PCSK5: variants seen among roughly 807,000 people sequenced by gnomAD.
The protein encoded by PCSK5 is proprotein convertase subtilisin/kexin type 5.
A neutral mutation model predicts 233.2 loss-of-function variants in PCSK5; 129 were observed. The ratio of observed to expected loss-of-function variants is 0.55; its 90% CI spans 0.48 to 0.64. The LOEUF (loss-of-function observed/expected upper bound fraction) is 0.64, where lower values mean the gene tolerates loss of function less well. Ranked by LOEUF, PCSK5 falls within the 30% of genes least tolerant of loss-of-function variation. The pLI, the probability that PCSK5 is intolerant of heterozygous loss-of-function variation, is 0.00. For synonymous variants in PCSK5, 825 were observed against 879.2 expected (o/e 0.94, Z 1.09); for missense variants, 2,076 against 2,430.1 (o/e 0.85, Z 3.06).
intron 33 of PCSK5, among the ~76,000 whole-genome samples, chr9:76,331,491 C>A (rs1391764643): frequency 2.0e-5 from 3 of 152,150 alleles, no homozygotes; most frequent in Non-Finnish European, 2.9e-5. Flanking sequence ...AACGGTGAAA[C>A]CCCGTCTCTA....
intron 7 of PCSK5, among the ~76,000 whole-genome samples, chr9:76,090,963 G>C (rs1166231696): frequency 2.6e-5 from 3 of 114,920 alleles, no homozygotes; most frequent in Non-Finnish European, 4.0e-5. Flanking sequence ...CGCATGCGTA[G>C]GTCATAAGAG....
At chr9:76,054,268 G>T (rs1012717000) in intron 5 of PCSK5, among the ~76,000 whole-genome samples, 1 of 152,164 alleles carries the variant, frequency 6.6e-6, no homozygotes, top group African/African-American at 2.4e-5. Flanking sequence ...CCTGCCTTGG[G>T]TTTTTACTGT....
chr9:76,024,888 A>G lies in PCSK5; in HGVS notation c.555+1007A>G, dbSNP rs554527491. ...TTTTAAAGGCAAACAAGCAAATCCA[A>G]CTTTGGTTTTGGAGATACTGTTTCT... is the stretch of plus-strand genomic sequence containing the variant. On this transcript the variant is annotated intron_variant, in intron 4 of 37. Coordinates refer to ENST00000674117, the MANE Select transcript of PCSK5 (RefSeq NM_001372043.1). Among the ~76,000 whole-genome samples, 7 of 152,204 alleles carry G rather than the reference A, an allele frequency of 4.6e-5. No homozygotes were observed. The East Asian group carries it at 5.8e-4, about 13-fold the overall frequency.
At chr9:75,893,532 CTGT>C (rs1825693914) in intron 1 of PCSK5, among the ~76,000 whole-genome samples, 1 of 152,180 alleles carries the variant, frequency 6.6e-6, no homozygotes, top group Non-Finnish European at 1.5e-5. Context: ...GCAGAAACAG[CTGT>C]TACCTTTCTG....
At chr9:76,197,010 G>A (rs1236896110) in intron 20 of PCSK5, among the ~76,000 whole-genome samples, 1 of 152,202 alleles carries the variant, frequency 6.6e-6, no homozygotes, top group Non-Finnish European at 1.5e-5. Flanking sequence ...AAAGCAGGTA[G>A]AGCTAGAATT....
intron 24 of PCSK5, among the ~76,000 whole-genome samples, chr9:76,286,122 G>C (rs373296606): frequency 9.2e-5 from 14 of 152,188 alleles, no homozygotes; most frequent in African/African-American, 3.4e-4. Flanking sequence ...TGTTCAAAAG[G>C]TTTTTTTCCT....
intron 35 of PCSK5, among the ~76,000 whole-genome samples, chr9:76,341,943 G>A (rs936211077): frequency 6.6e-6 from 1 of 152,206 alleles, no homozygotes; most frequent in Non-Finnish European, 1.5e-5. Context: ...CTGGTCTTAT[G>A]TAAAACACTT....
At chr9:76,277,564 C>A (rs1285557551) in intron 24 of PCSK5, among the ~76,000 whole-genome samples, 1 of 152,228 alleles carries the variant, frequency 6.6e-6, no homozygotes, top group African/African-American at 2.4e-5. Context: ...CCTGTCCCTC[C>A]AGGGAGTTGT....
intron 2 of PCSK5, among the ~76,000 whole-genome samples, chr9:75,933,068 C>T (rs1823881256): frequency 6.6e-6 from 1 of 152,054 alleles, no homozygotes; most frequent in Admixed American, 6.6e-5. Flanking sequence ...TTTGGGTTTT[C>T]CAGACGACGT....
At chr9:76,337,320 AC>A (rs1241880425) in intron 34 of PCSK5, among the ~76,000 whole-genome samples, 55 of 150,422 alleles carry the variant, frequency 3.7e-4, no homozygotes, top group Non-Finnish European at 1.5e-5. Context: ...ACATCTGGCT[AC>A]TTTTGTTTGT....
intron 14 of PCSK5, among the ~76,000 whole-genome samples, chr9:76,179,083 G>T (rs1475226893): frequency 6.6e-6 from 1 of 152,182 alleles, no homozygotes; most frequent in Non-Finnish European, 1.5e-5. Context: ...ACTGGATGCT[G>T]ATAAGCTTGT....
intron 14 of PCSK5, 40 bp from the exon 15 acceptor site, chr9:76,179,556 A>G (rs751054929): frequency 6.8e-7 from 1 of 1,474,574 alleles, no homozygotes; most frequent in Non-Finnish European, 9.5e-7. Context: ...CCTGCTCTAA[A>G]ATCATTTTTC....
At chr9:76,194,568 G>T (rs146150969) in intron 20 of PCSK5, 185 of 290,310 alleles carry the variant, frequency 6.4e-4, no homozygotes, top group African/African-American at 3.8e-3. Context: ...ATTATATGCT[G>T]GTCCACTGAA....
intron 32 of PCSK5, among the ~76,000 whole-genome samples, chr9:76,324,201 T>C (rs72743124): frequency 0.3 from 45,638 of 150,906 alleles, 7,198 homozygotes; most frequent in African/African-American, 0.37. Flanking sequence ...GCTGGGATAA[T>C]AAGCGTGAGC....
intron 2 of PCSK5, among the ~76,000 whole-genome samples, chr9:75,965,015 C>T (rs1436965075): frequency 6.6e-6 from 1 of 152,162 alleles, no homozygotes; most frequent in Non-Finnish European, 1.5e-5. Flanking sequence ...ACAGACCTTT[C>T]CTATCACAAA....
At chr9:76,118,019 T>C (rs1466276007) in intron 9 of PCSK5, among the ~76,000 whole-genome samples, 2 of 152,262 alleles carry the variant, frequency 1.3e-5, no homozygotes, top group South Asian at 2.1e-4. Flanking sequence ...TTTTTATTCA[T>C]TGCTCTGAAT....
chr9:76,326,358 C>T (rs566014499), intron 32 of PCSK5, among the ~76,000 whole-genome samples: 2 of 151,808 alleles, frequency 1.3e-5, no homozygotes, highest in Non-Finnish European at 2.9e-5. Context: ...TGCACTCTAG[C>T]CTGGGTGACA....
At position 76,323,105 on chromosome 9, in the gene PCSK5, C is replaced by T. The variant is rs906178875; in HGVS notation, c.4156C>T (p.Arg1386Cys). Residue 1386 changes from arginine to cysteine, a missense_variant, in exon 32 of 38, where the codon CGT becomes TGT. Physicochemically the swap from Arg to Cys is radical, Grantham distance 180. Coordinates refer to ENST00000674117, the MANE Select transcript of PCSK5 (RefSeq NM_001372043.1). ...HDDMCHQSCP[R>C]GFYADSRHCV... is the part of the protein sequence containing the mutation. ...TGATATGTGCCACCAGTCCTGTCCCCGTGGCTTCTATGCAGACTCGCGCCA... is the reference window on the plus strand; with the variant it reads ...TGATATGTGCCACCAGTCCTGTCCCTGTGGCTTCTATGCAGACTCGCGCCA... 2.6e-5 allele frequency: 42 copies of T among 1,611,224 alleles called. No homozygotes were observed. Among genetic ancestry groups the T allele is most frequent in the Middle Eastern group, 1.6e-4 (1 of 6,084 alleles).
At chr9:76,250,716 T>A (rs1826773950) in intron 24 of PCSK5, among the ~76,000 whole-genome samples, 1 of 152,166 alleles carries the variant, frequency 6.6e-6, no homozygotes, top group Admixed American at 6.5e-5. Context: ...ATGTGGCATC[T>A]CAGGTGGGAT....
Sources: gnomAD v4.1 joint callset for allele counts (sites outside exome capture counted in the v4.1 genomes callset) on GRCh38, gnomAD v4.1.1 for gene constraint, MANE v1.5 for transcripts, NCBI Gene and HGNC (gene_info 2026-07-23, HGNC 2026-07-21) for gene names.